Variants in FRMD4A observed in about 807,000 individuals in gnomAD.
The protein encoded by FRMD4A is FERM domain containing 4A, also known as FERM domain-containing protein 4A.
Under a neutral mutation model 129.1 loss-of-function variants are expected in FRMD4A, and 29 were observed. That is an observed-to-expected ratio of 0.22 (90% CI 0.17 to 0.31). The LOEUF (loss-of-function observed/expected upper bound fraction) is 0.31, where lower values mean the gene tolerates loss of function less well. Ranked by LOEUF, FRMD4A falls within the 10% of genes least tolerant of loss-of-function variation. The pLI is 1.00. For synonymous variants in FRMD4A, 634 were observed against 571.6 expected (o/e 1.11, Z -1.56); for missense variants, 1,272 against 1,375.8 (o/e 0.92, Z 1.19).
At chr10:14,300,644 T>A (rs1846153511) in intron 2 of FRMD4A, among the ~76,000 whole-genome samples, 1 of 152,212 alleles carries the variant, frequency 6.6e-6, no homozygotes, top group East Asian at 1.9e-4. Context: ...ATTAAAGTAA[T>A]ATTTAACAGG....
intron 19 of FRMD4A, among the ~76,000 whole-genome samples, chr10:13,662,107 C>T (rs2082682342): frequency 6.6e-6 from 1 of 152,116 alleles, no homozygotes; most frequent in Non-Finnish European, 1.5e-5. Context: ...CTCCAGGCAC[C>T]CCTCTACTAC....
At chr10:13,697,175 A>G (rs1276670406) in intron 14 of FRMD4A, among the ~76,000 whole-genome samples, 1 of 128,038 alleles carries the variant, frequency 7.8e-6, no homozygotes, top group East Asian at 2.3e-4. Context: ...TTTTTTTGAG[A>G]CAGAGTTTCA....
At chr10:13,736,183 A>C (rs751156417) in intron 12 of FRMD4A, among the ~76,000 whole-genome samples, 17 of 152,122 alleles carry the variant, frequency 1.1e-4, no homozygotes, top group Non-Finnish European at 1.8e-4. Context: ...AACAAAAAAC[A>C]AAAAGAGAAG....
At chr10:13,973,754 G>C (rs1283733809) in intron 2 of FRMD4A, among the ~76,000 whole-genome samples, 3 of 151,890 alleles carry the variant, frequency 2.0e-5, no homozygotes, top group Non-Finnish European at 4.4e-5. Context: ...AAGGGAAGAA[G>C]GAAGGAGGAA....
intron 2 of FRMD4A, among the ~76,000 whole-genome samples, chr10:14,002,432 C>G (rs1356561493): frequency 1.3e-5 from 2 of 152,182 alleles, no homozygotes; most frequent in South Asian, 2.1e-4. Context: ...ACATTTTCCA[C>G]CAGAGATAAT....
intron 12 of FRMD4A, among the ~76,000 whole-genome samples, chr10:13,714,021 A>AATATGCATATATATAAAATATATATTTT (rs2088428739): frequency 1.4e-3 from 2 of 1,478 alleles, no homozygotes; most frequent in Non-Finnish European, 4.0e-3. Flanking sequence ...ACATATATAA[A>AATATGCATATATATAAAATATATATTTT]ATATACATAT....
intron 12 of FRMD4A, among the ~76,000 whole-genome samples, chr10:13,730,841 C>CA (rs2135019547): frequency 7.9e-6 from 1 of 127,094 alleles, no homozygotes; most frequent in Non-Finnish European, 1.6e-5. Flanking sequence ...TGGTGAAACC[C>CA]AGTCTCTACT....
chr10:13,946,004 CAG>C (rs2095328578), intron 2 of FRMD4A, among the ~76,000 whole-genome samples: 1 of 152,200 alleles, frequency 6.6e-6, no homozygotes. Context: ...TCTTGCGTCT[CAG>C]AGCAATGCAC....
At chr10:13,709,978 C>A (rs1320031705) in intron 12 of FRMD4A, among the ~76,000 whole-genome samples, 1 of 152,078 alleles carries the variant, frequency 6.6e-6, no homozygotes, top group Admixed American at 6.5e-5. Context: ...GTGTGCCCAT[C>A]CCCTGAGCAG....
chr10:13,798,577 C>A (rs146576243), intron 4 of FRMD4A, among the ~76,000 whole-genome samples: 3,998 of 152,142 alleles, frequency 0.026, 163 homozygotes, highest in African/African-American at 0.084. Context: ...ATTAGCCGGG[C>A]ATAGTGGCAG....
rs2081096285 is a variant in FRMD4A, at chr10:13,646,045, C to T, written c.*993G>A. On this transcript the variant is annotated 3_prime_UTR_variant, in exon 25 of 25. Coordinates refer to ENST00000357447, the MANE Select transcript of FRMD4A (RefSeq NM_018027.5). ...CTGCATGGACCGGGGCTAACAGTAC[C>T]CTCTACGACTCCCACAGGTCTCTCT... The T allele has an allele frequency of 6.6e-6, 1 of 152,466 alleles. No homozygotes were observed. The highest frequency in any genetic ancestry group is 2.1e-4 in the South Asian group (1 of 4,828). The allele number at this position is 152,466 out of a possible 1,614,324, so 9.4% of individuals were successfully genotyped here.
intron 2 of FRMD4A, among the ~76,000 whole-genome samples, chr10:13,865,275 T>G (rs1357783298): frequency 6.6e-6 from 1 of 152,194 alleles, no homozygotes; most frequent in Non-Finnish European, 1.5e-5. Context: ...GTACGAAGTA[T>G]ATACTCATCA....
intron 2 of FRMD4A, among the ~76,000 whole-genome samples, chr10:14,173,715 C>T (rs1391396608): frequency 6.6e-6 from 1 of 152,128 alleles, no homozygotes; most frequent in East Asian, 1.9e-4. Context: ...TGCACGGCCC[C>T]AAAGCAAGAG....
chr10:14,014,212 T>C (rs1040746927), intron 2 of FRMD4A, among the ~76,000 whole-genome samples: 3 of 152,068 alleles, frequency 2.0e-5, no homozygotes, highest in Non-Finnish European at 4.4e-5. Context: ...GTAATTATTG[T>C]CATGTGAAGA....
chr10:13,862,772 A>C (rs969349380), intron 2 of FRMD4A, among the ~76,000 whole-genome samples: 6 of 152,192 alleles, frequency 3.9e-5, no homozygotes, highest in African/African-American at 1.4e-4. Flanking sequence ...GTAAGATTAG[A>C]GTATCCTGTT....
chr10:13,679,854 C>T (rs1283004842), intron 15 of FRMD4A, among the ~76,000 whole-genome samples: 1 of 151,990 alleles, frequency 6.6e-6, no homozygotes, highest in South Asian at 2.1e-4. Flanking sequence ...AAGAGGTGGC[C>T]GAGTGCCCAG....
intron 2 of FRMD4A, among the ~76,000 whole-genome samples, chr10:13,983,549 A>C (rs2095569810): frequency 6.6e-6 from 1 of 152,118 alleles, no homozygotes; most frequent in South Asian, 2.1e-4. Context: ...ATTTGAGGTA[A>C]ATTATACTAA....
chr10:14,048,835 T>C (rs569899457), intron 2 of FRMD4A, among the ~76,000 whole-genome samples: 1 of 9,320 alleles, frequency 1.1e-4, no homozygotes, highest in East Asian at 1.0e-3. Flanking sequence ...TAGAATAGAA[T>C]AGAATAGAAT....
At chr10:13,917,847 T>C (rs983690936) in intron 2 of FRMD4A, among the ~76,000 whole-genome samples, 1 of 152,172 alleles carries the variant, frequency 6.6e-6, no homozygotes. Flanking sequence ...TGGCCTTGGG[T>C]GAGCCCTTTG....
Sources: allele counts gnomAD v4.1 joint callset (sites outside exome capture counted in the v4.1 genomes callset), GRCh38; gene constraint gnomAD v4.1.1; transcripts MANE v1.5; gene names NCBI Gene and HGNC (gene_info 2026-07-23, HGNC 2026-07-21).